ZNF385D: variants seen among roughly 807,000 people sequenced by gnomAD.
ZNF385D encodes zinc finger protein 385D.
Under a neutral mutation model 35.8 loss-of-function variants are expected in ZNF385D, and 15 were observed. The observed-to-expected ratio is 0.42, with a 90% CI of 0.28 to 0.64. The LOEUF (loss-of-function observed/expected upper bound fraction) is 0.64. ZNF385D is among the 30% of genes least tolerant of loss of function. The pLI, the probability that ZNF385D is intolerant of heterozygous loss-of-function variation, is 0.23. For synonymous variants in ZNF385D, 212 were observed against 186.8 expected (o/e 1.13, Z -1.10); for missense variants, 474 against 494.6 (o/e 0.96, Z 0.39).
intron 3 of ZNF385D, among the ~76,000 whole-genome samples, chr3:21,535,261 T>G (rs1032899868): frequency 6.6e-6 from 1 of 152,144 alleles, no homozygotes; most frequent in Non-Finnish European, 1.5e-5. Context: ...TCTTTTTCCT[T>G]TTTATTCATC....
At chr3:21,781,188 G>A (rs1375200928) in intron 3 of ZNF385D, among the ~76,000 whole-genome samples, 2 of 150,536 alleles carry the variant, frequency 1.3e-5, no homozygotes, top group Non-Finnish European at 3.0e-5. Flanking sequence ...ATGTAAATCT[G>A]GAAAAAGTAT....
chr3:22,137,687 T>C (rs979519151), intron 3 of ZNF385D, among the ~76,000 whole-genome samples: 27 of 152,256 alleles, frequency 1.8e-4, no homozygotes, highest in Non-Finnish European at 3.1e-4. Context: ...ATAAGAGCTA[T>C]CTATGACAAA....
At chr3:22,214,538 A>C (rs1167589508) in intron 2 of ZNF385D, among the ~76,000 whole-genome samples, 1 of 152,018 alleles carries the variant, frequency 6.6e-6, no homozygotes, top group Non-Finnish European at 1.5e-5. Context: ...AAATACTGCT[A>C]AATTCTTTTT....
chr3:22,332,950 C>T (rs941616455), intron 2 of ZNF385D, among the ~76,000 whole-genome samples: 1 of 150,830 alleles, frequency 6.6e-6, no homozygotes, highest in African/African-American at 2.4e-5. Flanking sequence ...GGTAACATTT[C>T]CCATCATTCT....
chr3:22,110,233 T>C (rs1207524015), intron 3 of ZNF385D, among the ~76,000 whole-genome samples: 1 of 151,946 alleles, frequency 6.6e-6, no homozygotes, highest in African/African-American at 2.4e-5. Context: ...AGTGTGGCGA[T>C]TCCTCAGGGA....
intron 3 of ZNF385D, among the ~76,000 whole-genome samples, chr3:22,087,032 T>A (rs893806562): frequency 1.3e-5 from 2 of 152,100 alleles, no homozygotes; most frequent in African/African-American, 4.8e-5. Flanking sequence ...CGCATACATA[T>A]GTAACAAACC....
At chr3:21,458,201 G>C (rs754160809) in intron 4 of ZNF385D, among the ~76,000 whole-genome samples, 1 of 151,930 alleles carries the variant, frequency 6.6e-6, no homozygotes, top group African/African-American at 2.4e-5. Flanking sequence ...GGCTGGGCTC[G>C]GTTGCTCATA....
At chr3:21,920,332 GA>G (rs912402926) in intron 3 of ZNF385D, among the ~76,000 whole-genome samples, 38 of 151,924 alleles carry the variant, frequency 2.5e-4, no homozygotes, top group Middle Eastern at 3.4e-3. Context: ...ATTTTTGAAG[GA>G]AAAAAAATTA....
At chr3:21,975,783 A>G (rs1472721604) in intron 3 of ZNF385D, among the ~76,000 whole-genome samples, 7 of 148,968 alleles carry the variant, frequency 4.7e-5, no homozygotes, top group Non-Finnish European at 7.4e-5. Context: ...ACAAAAATAT[A>G]TATCTACTAT....
At chr3:21,692,078 G>A (rs1461716783) in intron 1 of ZNF385D, among the ~76,000 whole-genome samples, 1 of 152,104 alleles carries the variant, frequency 6.6e-6, no homozygotes, top group Non-Finnish European at 1.5e-5. Context: ...TTTTAGGGCT[G>A]AATAATGTTC....
chr3:21,441,719 G>T, intron 4 of ZNF385D: 1 of 985,364 alleles, frequency 1.0e-6, no homozygotes. Context: ...AAACCACAGG[G>T]CTTCATTGCA....
intron 3 of ZNF385D, among the ~76,000 whole-genome samples, chr3:21,818,781 G>C (rs2073270703): frequency 1.3e-5 from 2 of 151,742 alleles, no homozygotes; most frequent in South Asian, 2.1e-4. Context: ...ATATATTTTT[G>C]TATTTTTTAA....
intron 4 of ZNF385D, among the ~76,000 whole-genome samples, chr3:21,440,785 A>T (rs1701819835): frequency 6.6e-6 from 1 of 152,162 alleles, no homozygotes; most frequent in Non-Finnish European, 1.5e-5. Flanking sequence ...CAGTCAACAA[A>T]TGGTGCATCA....
At chr3:21,428,651 G>A (rs1701136400) in intron 5 of ZNF385D, among the ~76,000 whole-genome samples, 2 of 151,938 alleles carry the variant, frequency 1.3e-5, no homozygotes, top group African/African-American at 4.8e-5. Context: ...ATGGCTCTGT[G>A]TGGCCGGTGG....
At chr3:21,496,462 T>A (rs1705874630) in intron 4 of ZNF385D, among the ~76,000 whole-genome samples, 1 of 103,420 alleles carries the variant, frequency 9.7e-6, no homozygotes, top group South Asian at 2.5e-4. Flanking sequence ...TTGATATATA[T>A]ATCATATATA....
chr3:21,453,918 C>A (rs1197418987), intron 4 of ZNF385D, among the ~76,000 whole-genome samples: 1 of 151,924 alleles, frequency 6.6e-6, no homozygotes, highest in Admixed American at 6.6e-5. Flanking sequence ...ATACTCATAG[C>A]AGCAGTATTC....
chr3:22,066,994 C>G (rs1362377543), intron 3 of ZNF385D, among the ~76,000 whole-genome samples: 5 of 152,194 alleles, frequency 3.3e-5, no homozygotes, highest in African/African-American at 9.7e-5. Context: ...TTATGAAAGT[C>G]TAGATCACGC....
chr3:22,344,177 G>GGGGTGTGTGTGTGTGTGTGTGT (rs1553652922), intron 2 of ZNF385D, among the ~76,000 whole-genome samples: 1 of 140,846 alleles, frequency 7.1e-6, no homozygotes, highest in African/African-American at 2.7e-5. Context: ...GGTGGGGTGG[G>GGGGTGTGTGTGTGTGTGTGTGT]GTGTGTGTGT....
At chr3:22,207,976 G>A (rs1697265597) in intron 2 of ZNF385D, among the ~76,000 whole-genome samples, 1 of 151,898 alleles carries the variant, frequency 6.6e-6, no homozygotes, top group Non-Finnish European at 1.5e-5. Context: ...GTACACTGTG[G>A]ATGGGAATGT....
Sources: allele counts gnomAD v4.1 joint callset (sites outside exome capture counted in the v4.1 genomes callset), GRCh38; gene constraint gnomAD v4.1.1; transcripts MANE v1.5; gene names NCBI Gene and HGNC (gene_info 2026-07-23, HGNC 2026-07-21).